TCF12: variants seen among roughly 807,000 people sequenced by gnomAD.
The protein encoded by TCF12 is DNA-binding protein HTF4.
A neutral mutation model predicts 86.0 loss-of-function variants in TCF12; 45 were observed. The ratio of observed to expected loss-of-function variants is 0.52; its 90% CI spans 0.41 to 0.67. TCF12 has a LOEUF of 0.67. Ranked by LOEUF, TCF12 falls within the 30% of genes least tolerant of loss-of-function variation. TCF12 has a pLI of 0.00. For missense variants in TCF12, 881 were observed against 859.9 expected (o/e 1.02, Z -0.31); for synonymous variants, 330 against 299.6 (o/e 1.10, Z -1.05).
intron 3 of TCF12, among the ~76,000 whole-genome samples, chr15:56,989,768 G>T (rs2063353021): frequency 6.6e-6 from 1 of 152,140 alleles, no homozygotes; most frequent in Non-Finnish European, 1.5e-5. Flanking sequence ...AAGTGAACTT[G>T]ATGCACCCTC....
At position 57,252,403 on chromosome 15, in the gene TCF12, CTGTCT is replaced by C. The variant is rs752324251; in HGVS notation, c.1189-15_1189-11del. The C allele has an allele frequency of 1.7e-5, 27 of 1,610,570 alleles. No homozygotes were observed. The highest frequency in any genetic ancestry group is 2.0e-5 in the Non-Finnish European group (24 of 1,177,250). ...CTTAACCTGTGCTTTGCCTCCTGTT[CTGTCT>C]TGACTTTGCCAGAAAAATCGAGTTG... is the stretch of plus-strand genomic sequence containing the variant. On this transcript the variant is annotated splice_polypyrimidine_tract_variant and intron_variant, in intron 14 of 20. Coordinates refer to ENST00000333725, the MANE Select transcript of TCF12 (RefSeq NM_207037.2).
In TCF12 at chr15:57,172,954, A is replaced by G. The variant is rs539516496; in HGVS notation, c.390+6488A>G. On this transcript the variant is annotated intron_variant, in intron 6 of 20. Coordinates refer to ENST00000333725, the MANE Select transcript of TCF12 (RefSeq NM_207037.2). Reference sequence around the variant, plus strand: ...TGTCTCTATTAAAATTAAAAAAAAAAAAAAGAAAACTAGTCAGGTGTGGTG... The same window carrying G: ...TGTCTCTATTAAAATTAAAAAAAAAGAAAAGAAAACTAGTCAGGTGTGGTG... Among the ~76,000 whole-genome samples the G allele has an allele frequency of 1.4e-3, 215 of 151,718 alleles. 1 individual carries two copies. The highest frequency in any genetic ancestry group is 4.4e-3 in the Admixed American group (67 of 15,228).
intron 3 of TCF12, among the ~76,000 whole-genome samples, chr15:57,010,840 C>G (rs534881878): frequency 1.3e-4 from 20 of 152,080 alleles, no homozygotes; most frequent in Non-Finnish European, 2.6e-4. Context: ...CTCAGATGTT[C>G]TTGGTGTTGT....
intron 5 of TCF12, among the ~76,000 whole-genome samples, chr15:57,146,424 A>G (rs1355899577): frequency 6.6e-6 from 1 of 152,202 alleles, no homozygotes; most frequent in African/African-American, 2.4e-5. Context: ...AATCACTTAT[A>G]TTTAATAGCC....
chr15:56,968,720 G>A (rs2543682), intron 3 of TCF12, among the ~76,000 whole-genome samples: 3,783 of 152,312 alleles, frequency 0.025, 159 homozygotes, highest in African/African-American at 0.086. Context: ...TTTAGAAAGT[G>A]TATTTTGCCA....
intron 5 of TCF12, among the ~76,000 whole-genome samples, chr15:57,131,503 TTTAC>T (rs1330353319): frequency 6.6e-6 from 1 of 152,224 alleles, no homozygotes; most frequent in Admixed American, 6.5e-5. Flanking sequence ...TATTACTGTT[TTTAC>T]TTACTAATGC....
At chr15:57,060,722 G>A (rs1382712013) in intron 3 of TCF12, among the ~76,000 whole-genome samples, 1 of 152,088 alleles carries the variant, frequency 6.6e-6, no homozygotes, top group Non-Finnish European at 1.5e-5. Flanking sequence ...TTGCAACTGT[G>A]GTGTATTTTC....
At position 57,194,268 on chromosome 15, in the gene TCF12, G is replaced by A. The variant is rs538369580; in HGVS notation, c.526+1975G>A. 2.6e-5 allele frequency among the ~76,000 whole-genome samples: 4 copies of A among 152,036 alleles called. 1 individual carries two copies. The highest frequency in any genetic ancestry group is 4.4e-5 in the Non-Finnish European group (3 of 68,014). Reference sequence around the variant, plus strand: ...ATTGATTGTCTCTTCCATGCCAGGGGCATTGCTGTACACACTACATTTTCA... The same window carrying A: ...ATTGATTGTCTCTTCCATGCCAGGGACATTGCTGTACACACTACATTTTCA... On this transcript the variant is annotated intron_variant, in intron 7 of 20. Coordinates refer to ENST00000333725, the MANE Select transcript of TCF12 (RefSeq NM_207037.2).
chr15:56,940,643 CCTT>C (rs1180249956), intron 3 of TCF12, among the ~76,000 whole-genome samples: 2 of 148,680 alleles, frequency 1.3e-5, no homozygotes, highest in Non-Finnish European at 3.0e-5. Context: ...CTCTCCTTCT[CCTT>C]CTCCCTCTCC....
chr15:57,049,891 A>T (rs1294513025), intron 3 of TCF12, among the ~76,000 whole-genome samples: 1 of 152,036 alleles, frequency 6.6e-6, no homozygotes, highest in Non-Finnish European at 1.5e-5. Flanking sequence ...TTGCGCCATT[A>T]ATTATTTTGT....
intron 7 of TCF12, among the ~76,000 whole-genome samples, chr15:57,192,758 A>G (rs1240452979): frequency 6.6e-6 from 1 of 152,250 alleles, no homozygotes; most frequent in African/African-American, 2.4e-5. Context: ...TTATTTGCAC[A>G]AGAATAATAC....
At chr15:57,170,795 TA>T (rs2055421831) in intron 6 of TCF12, among the ~76,000 whole-genome samples, 1 of 34,932 alleles carries the variant, frequency 2.9e-5, no homozygotes, top group African/African-American at 1.3e-4. Flanking sequence ...ATATATAATA[TA>T]TATATATAAT....
intron 5 of TCF12, among the ~76,000 whole-genome samples, chr15:57,113,007 T>C (rs1352190131): frequency 2.0e-5 from 3 of 152,250 alleles, no homozygotes; most frequent in Non-Finnish European, 4.4e-5. Context: ...GAAGTTATCG[T>C]GGATCTCCTG....
intron 15 of TCF12, 84 bp from the exon 16 acceptor site, chr15:57,253,178 A>T (rs557586822): frequency 1.4e-6 from 2 of 1,456,026 alleles, no homozygotes; most frequent in Non-Finnish European, 1.9e-6. Context: ...TATCTTCCAC[A>T]TATCACATAG....
intron 5 of TCF12, among the ~76,000 whole-genome samples, chr15:57,157,310 C>G (rs373945012): frequency 4.2e-4 from 63 of 151,056 alleles, no homozygotes; most frequent in African/African-American, 1.5e-3. Context: ...TCCCCTAGTT[C>G]TGTAATCTTT....
intron 4 of TCF12, among the ~76,000 whole-genome samples, chr15:57,066,824 T>C (rs2068919926): frequency 6.6e-6 from 1 of 152,238 alleles, no homozygotes; most frequent in African/African-American, 2.4e-5. Context: ...TTGTATGTTA[T>C]ATGTTACTGT....
rs1171707504 is a variant in TCF12 at position 57,275,327 on chromosome 15, GGT to G, written c.1978+2100_1978+2101del. 8.8e-4 allele frequency among the ~76,000 whole-genome samples: 56 copies of G among 63,990 alleles called. 3 individuals carry two copies. The highest frequency in any genetic ancestry group is 2.1e-3 in the African/African-American group (29 of 13,898). 42.0% of individuals were successfully genotyped at this position (63,990 alleles called of 152,430 possible). A position where few individuals can be genotyped will look rare whatever the true frequency, so the allele number is the denominator to read the frequency against. On this transcript the variant is annotated intron_variant, in intron 19 of 20. Coordinates refer to ENST00000333725, the MANE Select transcript of TCF12 (RefSeq NM_207037.2). ...AGCCCAGGGATCTTTGTAAGGTAGG[GGT>G]GTGTGTGTGTGTGTGTGTGTGTGTG...
chr15:57,176,268 C>A (rs1782174850), intron 6 of TCF12, among the ~76,000 whole-genome samples: 1 of 152,182 alleles, frequency 6.6e-6, no homozygotes, highest in Non-Finnish European at 1.5e-5. Flanking sequence ...AAGTAAAAGG[C>A]TTTCCAAATG....
At chr15:56,919,089 G>A (rs1471308285) in intron 1 of TCF12, 183 bp downstream of exon 1, 1 of 151,818 alleles carries the variant, frequency 6.6e-6, no homozygotes, top group Non-Finnish European at 1.5e-5. Context: ...GGAGGCTCGA[G>A]TCGCGGGCGC....
Sources: allele counts gnomAD v4.1 joint callset (sites outside exome capture counted in the v4.1 genomes callset), GRCh38; gene constraint gnomAD v4.1.1; transcripts MANE v1.5; gene names NCBI Gene and HGNC (gene_info 2026-07-23, HGNC 2026-07-21).